The following TPD52L1 variants were observed in gnomAD, a reference collection of about 807,000 sequenced individuals.
TPD52L1 encodes the protein tumor protein D53.
Under a neutral mutation model 28.7 loss-of-function variants are expected in TPD52L1, and 18 were observed. That is an observed-to-expected ratio of 0.63 (90% CI 0.43 to 0.93). TPD52L1 has a LOEUF of 0.93. Ranked by LOEUF, TPD52L1 falls within the 40% of genes least tolerant of loss-of-function variation. TPD52L1 has a pLI of 0.00. For missense variants in TPD52L1, 203 were observed against 254.8 expected (o/e 0.80, Z 1.39); for synonymous variants, 75 against 88.8 (o/e 0.84, Z 0.88).
intron 3 of TPD52L1, among the ~76,000 whole-genome samples, chr6:125,243,834 G>T (rs1319176119): frequency 6.6e-6 from 1 of 152,026 alleles, no homozygotes; most frequent in Admixed American, 6.6e-5. Flanking sequence ...CCATTCCTAG[G>T]GAGTTAGTGT....
rs1562411408 is a variant in TPD52L1 at position 125,261,003 on chromosome 6, A to T, written c.487-1831A>T. The T allele has an allele frequency of 1.6e-3, 73 of 46,202 alleles. 5 individuals carry two copies. The highest frequency in any genetic ancestry group is 0.013 in the African/African-American group (73 of 5,450). The allele number at this position is 46,202 out of a possible 1,614,324, so 2.9% of individuals were successfully genotyped here. ...AAAGAAAAGAAAGAAAGAAAGAAAGAAAGAAAGAAAGAAAGAAAAGAAAAG... is the reference window on the plus strand; with the variant it reads ...AAAGAAAAGAAAGAAAGAAAGAAAGTAAGAAAGAAAGAAAGAAAAGAAAAG... On this transcript the variant is annotated intron_variant, in intron 6 of 6. Transcript: ENST00000534000.
chr6:125,167,129 G>A (rs991519798), intron 1 of TPD52L1, among the ~76,000 whole-genome samples: 4 of 152,054 alleles, frequency 2.6e-5, no homozygotes, highest in Non-Finnish European at 5.9e-5. Flanking sequence ...GCCAGGCGTG[G>A]TAGTGCATGC....
intron 1 of TPD52L1, among the ~76,000 whole-genome samples, chr6:125,212,531 G>A (rs546659509): frequency 1.6e-4 from 25 of 152,372 alleles, no homozygotes; most frequent in African/African-American, 5.8e-4. Context: ...GAAGTGTGTG[G>A]ATGCCAATGA....
chr6:125,172,514 A>AGATATATATATTATATATATAT, intron 1 of TPD52L1, among the ~76,000 whole-genome samples: 1 of 33,114 alleles, frequency 3.0e-5, no homozygotes, highest in Non-Finnish European at 5.4e-5. Flanking sequence ...CTTTCATGCT[A>AGATATATATATTATATATATAT]TATATATATA....
At chr6:125,251,989 C>G (rs1223979510) in intron 4 of TPD52L1, 11 of 1,535,868 alleles carry the variant, frequency 7.2e-6, no homozygotes, top group Admixed American at 2.0e-5. Flanking sequence ...TAACTCTGCT[C>G]CTGCTCTTCT....
chr6:125,200,199 G>A (rs1000346003), intron 1 of TPD52L1, among the ~76,000 whole-genome samples: 5 of 152,068 alleles, frequency 3.3e-5, no homozygotes, highest in Non-Finnish European at 4.4e-5. Context: ...GCCATGAATT[G>A]CATTAATGAA....
intron 4 of TPD52L1, among the ~76,000 whole-genome samples, chr6:125,249,295 C>T (rs1583013877): frequency 6.6e-6 from 1 of 151,240 alleles, no homozygotes. Flanking sequence ...AAAAACTTTT[C>T]GAGCACATTT....
chr6:125,222,696 A>G (rs973868032), intron 2 of TPD52L1, among the ~76,000 whole-genome samples: 1 of 152,234 alleles, frequency 6.6e-6, no homozygotes, highest in Non-Finnish European at 1.5e-5. Context: ...GCTGTGACCT[A>G]GGCAGCTGTA....
intron 4 of TPD52L1, chr6:125,252,520 A>G (rs1480230629): frequency 6.5e-6 from 1 of 153,258 alleles, no homozygotes; most frequent in East Asian, 1.9e-4. Context: ...AGTTGAAGGG[A>G]AGAAAGGTAC....
chr6:125,251,913 T>G (rs751811967), intron 4 of TPD52L1: 2 of 1,100,930 alleles, frequency 1.8e-6, no homozygotes, highest in Non-Finnish European at 2.7e-6. Flanking sequence ...CTACCCTGTC[T>G]GTGCTCTGGG....
intron 1 of TPD52L1, among the ~76,000 whole-genome samples, chr6:125,179,201 GC>G (rs952875548): frequency 9.2e-5 from 14 of 152,194 alleles, no homozygotes; most frequent in African/African-American, 2.7e-4. Flanking sequence ...ATTAATTTTA[GC>G]TCTCCAAGAG....
At chr6:125,208,404 C>T (rs968040763) in intron 1 of TPD52L1, among the ~76,000 whole-genome samples, 8 of 152,128 alleles carry the variant, frequency 5.3e-5, no homozygotes, top group South Asian at 2.1e-4. Flanking sequence ...TGTCAGAGGA[C>T]ATCAATCTGA....
intron 1 of TPD52L1, among the ~76,000 whole-genome samples, chr6:125,173,162 T>A (rs1011357835): frequency 6.6e-6 from 1 of 152,216 alleles, no homozygotes; most frequent in African/African-American, 2.4e-5. Flanking sequence ...TGTGTGTGTG[T>A]GAGCACATGT....
At chr6:125,249,696 AAAAAAAAAAAAAAAG>A (rs899107180) in intron 4 of TPD52L1, among the ~76,000 whole-genome samples, 3 of 150,668 alleles carry the variant, frequency 2.0e-5, no homozygotes, top group Non-Finnish European at 3.0e-5. Flanking sequence ...TGTCTCAAAA[AAAAAAAAAAAAAAAG>A]AAGGAAAAGC....
intron 1 of TPD52L1, among the ~76,000 whole-genome samples, chr6:125,209,734 T>C (rs557410456): frequency 2.0e-5 from 3 of 152,118 alleles, no homozygotes; most frequent in Admixed American, 1.3e-4. Context: ...TGAAGGGGGC[T>C]GGGCTCAGGG....
At chr6:125,257,815 CTA>C (rs1471922283) in intron 6 of TPD52L1, among the ~76,000 whole-genome samples, 1 of 152,132 alleles carries the variant, frequency 6.6e-6, no homozygotes, top group African/African-American at 2.4e-5. Flanking sequence ...TGAAATCAGT[CTA>C]GTCTTAAAAT....
Position 125,160,999 on chromosome 6 carries a change from C to T in TPD52L1, c.19+7029C>T, listed in dbSNP as rs181809645. On this transcript the variant is annotated intron_variant, in intron 1 of 6. Transcript: ENST00000534000. ...TCCTGAATAGCAGGGATTACAGGTGCGTGCCACCACGCCCTGCTAATTTTT... is the reference window on the plus strand; with the variant it reads ...TCCTGAATAGCAGGGATTACAGGTGTGTGCCACCACGCCCTGCTAATTTTT... 4.5e-4 allele frequency among the ~76,000 whole-genome samples: 69 copies of T among 152,136 alleles called. 1 individual carries two copies. The highest frequency in any genetic ancestry group is 4.1e-4 in the Non-Finnish European group (28 of 67,992).
rs533367808 is a variant in TPD52L1, at chr6:125,176,010, G to A, written c.19+22040G>A. On this transcript the variant is annotated intron_variant, in intron 1 of 6. Coordinates refer to ENST00000534000, the MANE Select transcript of TPD52L1 (RefSeq NM_003287.4). The stretch of plus-strand genomic sequence containing the variant: ...CAACATACTAGAAGAGATGAAAGGG[G>A]ACAATGTAGCCGAATCCCATGGGGA... 6.6e-5 allele frequency among the ~76,000 whole-genome samples: 10 copies of A among 152,286 alleles called. No homozygotes were observed. The South Asian group carries it at 1.9e-3, about 28-fold the overall frequency.
intron 6 of TPD52L1, chr6:125,261,266 A>T (rs1445352493): frequency 6.6e-6 from 1 of 152,052 alleles, no homozygotes; most frequent in Non-Finnish European, 1.5e-5. Flanking sequence ...GCAGAGAGAG[A>T]TTTTAGTGAC....
Sources: gnomAD v4.1 joint callset for allele counts (sites outside exome capture counted in the v4.1 genomes callset) on GRCh38, gnomAD v4.1.1 for gene constraint, MANE v1.5 for transcripts, NCBI Gene and HGNC (gene_info 2026-07-23, HGNC 2026-07-21) for gene names.